CA10: variants seen among roughly 807,000 people sequenced by gnomAD.
The protein encoded by CA10 is carbonic anhydrase-related protein 10.
A neutral mutation model predicts 44.2 loss-of-function variants in CA10; 14 were observed. That is an observed-to-expected ratio of 0.32 (90% CI 0.21 to 0.50). The LOEUF (loss-of-function observed/expected upper bound fraction) is 0.50, where lower values mean the gene tolerates loss of function less well. Among genes scored for constraint, CA10 ranks in the 20% least tolerant of loss-of-function variants. The pLI is 0.99. For missense variants in CA10, 350 were observed against 409.7 expected, an observed-to-expected ratio of 0.85 and a Z score of 1.26; for synonymous variants, 159 against 141.6, an observed-to-expected ratio of 1.12 and a Z score of -0.87.
At chr17:51,692,370 TC>T (rs2143429158) in intron 4 of CA10, among the ~76,000 whole-genome samples, 1 of 21,802 alleles carries the variant, frequency 4.6e-5, no homozygotes, top group South Asian at 1.5e-3. Flanking sequence ...ATCCATCCTA[TC>T]TATCTATCTA....
chr17:51,868,425 C>T (rs1979647950), intron 3 of CA10, among the ~76,000 whole-genome samples: 1 of 152,148 alleles, frequency 6.6e-6, no homozygotes, highest in Admixed American at 6.6e-5. Flanking sequence ...TCTCCTGCCT[C>T]ACCCAGTATA....
At chr17:52,029,714 C>A (rs140608743) in intron 2 of CA10, among the ~76,000 whole-genome samples, 33 of 152,230 alleles carry the variant, frequency 2.2e-4, no homozygotes, top group African/African-American at 7.7e-4. Flanking sequence ...TTCACAGTCA[C>A]CTTGAGCTTG....
chr17:51,930,932 T>C, intron 3 of CA10, 58 bp downstream of exon 3: 1 of 1,596,558 alleles, frequency 6.3e-7, no homozygotes, highest in Non-Finnish European at 8.6e-7. Context: ...AGGATTAGCT[T>C]TCAGAATCAA....
intron 1 of CA10, among the ~76,000 whole-genome samples, chr17:52,154,146 C>G (rs1473119227): frequency 6.6e-6 from 1 of 152,014 alleles, no homozygotes; most frequent in African/African-American, 2.4e-5. Flanking sequence ...ATTCATTTAA[C>G]CTAATTTATT....
At chr17:52,081,874 A>C (rs1192211956) in intron 1 of CA10, among the ~76,000 whole-genome samples, 2 of 151,960 alleles carry the variant, frequency 1.3e-5, no homozygotes, top group Non-Finnish European at 2.9e-5. Context: ...AGAGAAGTTG[A>C]AGACTTCTCT....
chr17:52,000,795 T>C (rs1055067493), intron 2 of CA10, among the ~76,000 whole-genome samples: 2 of 151,616 alleles, frequency 1.3e-5, no homozygotes, highest in African/African-American at 4.8e-5. Flanking sequence ...CCCTTTTTTA[T>C]AGATTAGGGA....
At chr17:52,019,332 A>G (rs1986065339) in intron 2 of CA10, among the ~76,000 whole-genome samples, 1 of 152,154 alleles carries the variant, frequency 6.6e-6, no homozygotes. Context: ...AATGAAATAT[A>G]GTGTAGCCAT....
intron 4 of CA10, among the ~76,000 whole-genome samples, chr17:51,692,428 T>C (rs879660124): frequency 0.021 from 1,464 of 70,302 alleles, 14 homozygotes; most frequent in East Asian, 0.067. Context: ...TCTATCTATT[T>C]TACCATTTAC....
chr17:51,663,345 A>G (rs1416583643), intron 4 of CA10, among the ~76,000 whole-genome samples: 2 of 152,140 alleles, frequency 1.3e-5, no homozygotes, highest in Non-Finnish European at 2.9e-5. Context: ...AGATCCTCCC[A>G]GAAGTGACTT....
At chr17:51,770,863 C>T (rs566830852) in intron 3 of CA10, among the ~76,000 whole-genome samples, 4 of 152,088 alleles carry the variant, frequency 2.6e-5, no homozygotes, top group East Asian at 3.9e-4. Context: ...CAGTGGCTCA[C>T]GCCTGTATTC....
intron 3 of CA10, among the ~76,000 whole-genome samples, chr17:51,892,236 A>G (rs1320624332): frequency 6.6e-6 from 1 of 152,188 alleles, no homozygotes; most frequent in Non-Finnish European, 1.5e-5. Context: ...AATCCAGGCT[A>G]GTTGTTCCCA....
chr17:52,012,067 C>A (rs116072174), intron 2 of CA10, among the ~76,000 whole-genome samples: 29 of 151,898 alleles, frequency 1.9e-4, no homozygotes, highest in Admixed American at 1.6e-3. Flanking sequence ...ATGAACTGAG[C>A]TGGTTATGGT....
upstream of CA10, among the ~76,000 whole-genome samples, chr17:52,158,919 T>C (rs1989882276): frequency 6.6e-6 from 1 of 152,186 alleles, no homozygotes; most frequent in African/African-American, 2.4e-5. Context: ...GAGGTGAGGC[T>C]GAGCGCGGCC....
chr17:52,054,693 C>T (rs1987175514), intron 2 of CA10, among the ~76,000 whole-genome samples: 2 of 151,976 alleles, frequency 1.3e-5, no homozygotes, highest in African/African-American at 4.8e-5. Context: ...TGTACTCTTT[C>T]CCTTATTTCT....
rs764397582 is a variant in CA10 at position 51,633,607 on chromosome 17, A to G, written c.833T>C (p.Ile278Thr). 1.2e-6 allele frequency: 2 copies of G among 1,613,932 alleles called. No individual in the cohort carries two copies. The highest frequency in any genetic ancestry group is 1.7e-6 in the Non-Finnish European group (2 of 1,179,896). Residue 278 changes from isoleucine (I) to threonine (T), a missense_variant, in exon 8 of 9, where the codon ATC becomes ACC. Coordinates refer to ENST00000451037, the MANE Select transcript of CA10 (RefSeq NM_020178.5). ...RLLSQNQPSQ[I>T]FLSMSDNFRP... ...GAAGTTGTCACTCATGCTCAGAAAG[A>G]TCTGAGATGGCTGGTTCTGGCTGAG... is the stretch of plus-strand genomic sequence containing the variant.
intron 1 of CA10, among the ~76,000 whole-genome samples, chr17:52,078,801 G>A (rs1363923541): frequency 2.0e-5 from 3 of 152,096 alleles, no homozygotes; most frequent in East Asian, 1.9e-4. Context: ...CTAGACTAAC[G>A]GGGATAATGC....
intron 3 of CA10, among the ~76,000 whole-genome samples, chr17:51,783,249 C>T (rs908740063): frequency 1.3e-5 from 2 of 152,092 alleles, no homozygotes; most frequent in South Asian, 4.2e-4. Context: ...ATTGAATGGC[C>T]CATTAGAGAA....
intron 1 of CA10, among the ~76,000 whole-genome samples, chr17:52,127,389 T>G (rs947955127): frequency 1.3e-5 from 2 of 152,210 alleles, no homozygotes; most frequent in Admixed American, 6.5e-5. Flanking sequence ...TGATGTACTA[T>G]GCTGTATATG....
At chr17:51,890,168 T>C (rs1455150704) in intron 3 of CA10, among the ~76,000 whole-genome samples, 1 of 152,242 alleles carries the variant, frequency 6.6e-6, no homozygotes, top group Admixed American at 6.5e-5. Context: ...TTCGGTTAAC[T>C]TCTGGTTGTT....
Sources: gnomAD v4.1 joint callset for allele counts (sites outside exome capture counted in the v4.1 genomes callset) on GRCh38, gnomAD v4.1.1 for gene constraint, MANE v1.5 for transcripts, NCBI Gene and HGNC (gene_info 2026-07-23, HGNC 2026-07-21) for gene names.